The following TSPAN33 variants were observed in gnomAD, a reference collection of about 807,000 sequenced individuals.
TSPAN33 encodes tetraspanin-33.
In TSPAN33, 27 loss-of-function variants were observed where a neutral mutation model predicts 34.8. The ratio of observed to expected loss-of-function variants is 0.78; its 90% CI spans 0.57 to 1.07. TSPAN33 has a LOEUF of 1.07. Among genes scored for constraint, TSPAN33 ranks in the 50% least tolerant of loss-of-function variants. The pLI is 0.00. For missense variants in TSPAN33, 272 were observed against 324.9 expected (o/e 0.84, Z 1.25); for synonymous variants, 119 against 124.2 (o/e 0.96, Z 0.28).
chr7:129,154,600 G>A (rs1810643162), intron 1 of TSPAN33, among the ~76,000 whole-genome samples: 1 of 152,040 alleles, frequency 6.6e-6, no homozygotes, highest in Non-Finnish European at 1.5e-5. Flanking sequence ...AATTAGCCGG[G>A]TGTGGTGGCT....
intron 1 of TSPAN33, among the ~76,000 whole-genome samples, chr7:129,149,293 C>T (rs1218909134): frequency 2.0e-5 from 3 of 152,186 alleles, no homozygotes; most frequent in African/African-American, 4.8e-5. Flanking sequence ...CGCGGTGGCT[C>T]ATGCCTGTAA....
rs57365994 is a variant in TSPAN33, at chr7:129,163,333, C to CTTT, written c.363+441_363+443dup. ...TTTTGAGGTTTATTTTTCTTTCTTT[C>CTTT]TTTTTTTTTTTTTTTTTGGTTGTTG... On this transcript the variant is annotated intron_variant, in intron 4 of 7. Coordinates refer to ENST00000486685, the MANE Select transcript of TSPAN33 (RefSeq NM_178562.5). Among the ~76,000 whole-genome samples the CTTT allele has an allele frequency of 2.5e-3, 315 of 124,828 alleles. 3 individuals carry two copies. In the East Asian group the frequency reaches 0.033, roughly 13 times the overall value. The allele number at this position is 124,828 out of a possible 152,430, so 81.9% of individuals were successfully genotyped here. A position where few individuals can be genotyped will look rare whatever the true frequency, so the allele number is the denominator to read the frequency against.
chr7:129,156,824 GC>G (rs1810670981), intron 1 of TSPAN33, among the ~76,000 whole-genome samples: 1 of 152,158 alleles, frequency 6.6e-6, no homozygotes, highest in Admixed American at 6.5e-5. Context: ...TCTCCAAGGA[GC>G]CCAGGGGATG....
chr7:129,163,416 T>C (rs1439706511), intron 4 of TSPAN33, among the ~76,000 whole-genome samples: 1 of 150,214 alleles, frequency 6.7e-6, no homozygotes, highest in Non-Finnish European at 1.5e-5. Context: ...CTTGAACTCC[T>C]GGGCTCAAGT....
intron 1 of TSPAN33, among the ~76,000 whole-genome samples, chr7:129,147,026 G>A (rs1215566176): frequency 6.6e-6 from 1 of 151,310 alleles, no homozygotes; most frequent in Non-Finnish European, 1.5e-5. Context: ...TCTCAGCCAG[G>A]AGAGAGTTTG....
intron 1 of TSPAN33, among the ~76,000 whole-genome samples, chr7:129,156,227 C>A (rs766672014): frequency 6.4e-4 from 97 of 152,232 alleles, no homozygotes; most frequent in Non-Finnish European, 1.2e-4. Context: ...GGGAGGAAGA[C>A]CAGAGAAGTC....
At chr7:129,162,681 C>T in intron 3 of TSPAN33, 152 bp from the exon 4 acceptor site, 2 of 1,397,006 alleles carry the variant, frequency 1.4e-6, no homozygotes, top group Non-Finnish European at 2.0e-6. Context: ...CACAGGGTGG[C>T]CACCCCCAAG....
intron 1 of TSPAN33, among the ~76,000 whole-genome samples, chr7:129,159,034 C>G (rs930164356): frequency 2.7e-4 from 41 of 151,686 alleles, no homozygotes; most frequent in African/African-American, 9.2e-4. Flanking sequence ...CAGGCATGAG[C>G]CACTGCACCC....
chr7:129,154,546 A>G (rs571340870), intron 1 of TSPAN33, among the ~76,000 whole-genome samples: 1 of 152,312 alleles, frequency 6.6e-6, no homozygotes, highest in African/African-American at 2.4e-5. Context: ...GTTTGAAACC[A>G]GCCTGGCCAA....
At position 129,144,965 on chromosome 7, in the gene TSPAN33, T is replaced by G. The variant is rs577419224; in HGVS notation, c.-16T>G. 5 of 603,130 alleles carry G rather than the reference T, an allele frequency of 8.3e-6. No homozygotes were observed. The highest frequency in any genetic ancestry group is 1.5e-5 in the Non-Finnish European group (5 of 334,086). 37.4% of individuals were successfully genotyped at this position (603,130 alleles called of 1,614,324 possible). ...CTGGGAAATAGGCCCCCGGGGGCGGTGGCGGCGGCGGGGCCATGGCGCGGA... is the reference window on the plus strand; with the variant it reads ...CTGGGAAATAGGCCCCCGGGGGCGGGGGCGGCGGCGGGGCCATGGCGCGGA... On this transcript the variant is annotated 5_prime_UTR_variant, in exon 1 of 8. Coordinates refer to ENST00000486685, the MANE Select transcript of TSPAN33 (RefSeq NM_178562.5).
At chr7:129,160,116 G>T (rs942384871) in intron 1 of TSPAN33, among the ~76,000 whole-genome samples, 1 of 152,208 alleles carries the variant, frequency 6.6e-6, no homozygotes. Flanking sequence ...TTAGATAAAG[G>T]TTTGCCATTT....
intron 1 of TSPAN33, among the ~76,000 whole-genome samples, chr7:129,153,913 T>G (rs10239495): frequency 0.99 from 151,140 of 152,188 alleles, 75,062 homozygotes; most frequent in Middle Eastern, 1. Flanking sequence ...CTGTACTCCA[T>G]CCTGGGTGAC....
intron 4 of TSPAN33, among the ~76,000 whole-genome samples, chr7:129,163,333 C>CTTTTTTTTT (rs57365994): frequency 2.4e-5 from 3 of 124,842 alleles, no homozygotes; most frequent in Non-Finnish European, 3.3e-5. Flanking sequence ...TTCTTTCTTT[C>CTTTTTTTTT]TTTTTTTTTT....
chr7:129,159,095 C>G (rs1475572715), intron 1 of TSPAN33, among the ~76,000 whole-genome samples: 1 of 148,272 alleles, frequency 6.7e-6, no homozygotes. Context: ...AAGTCTCACT[C>G]TGTTGCCCAG....
intron 1 of TSPAN33, among the ~76,000 whole-genome samples, chr7:129,154,335 G>A (rs1284216794): frequency 6.6e-6 from 1 of 151,702 alleles, no homozygotes; most frequent in East Asian, 2.0e-4. Context: ...TTGGTGGGGG[G>A]AAGAAAAAAA....
At chr7:129,164,638 C>T in intron 5 of TSPAN33, 69 bp downstream of exon 5, 1 of 1,402,572 alleles carries the variant, frequency 7.1e-7, no homozygotes, top group Non-Finnish European at 1.0e-6. Context: ...ATGCCTCACC[C>T]TCTATGCCTG....
chr7:129,164,876 C>T (rs1050460757), intron 5 of TSPAN33: 5 of 271,330 alleles, frequency 1.8e-5, no homozygotes, highest in South Asian at 5.0e-5. Flanking sequence ...TGAGTTATCT[C>T]ATTTGATTGT....
rs749494180 is a variant in TSPAN33 at position 129,165,584 on chromosome 7, G to A, written c.459+1015G>A. The stretch of plus-strand genomic sequence containing the variant: ...GAGAAAAGGGTTGCTTCCACCGTTC[G>A]GCTACTGTGAACAAGGCTGCTATGA... On this transcript the variant is annotated intron_variant, in intron 5 of 7. Coordinates refer to ENST00000486685, the MANE Select transcript of TSPAN33 (RefSeq NM_178562.5). This position sits in a 1 kb window ranked among gnomAD's most constrained non-coding sequence, Gnocchi z 4.5. 2.6e-5 allele frequency among the ~76,000 whole-genome samples: 4 copies of A among 152,098 alleles called. No individual in the cohort carries two copies. Among genetic ancestry groups the A allele is most frequent in the Admixed American group, 6.5e-5 (1 of 15,280 alleles).
At chr7:129,164,331 C>T in intron 4 of TSPAN33, 143 bp from the exon 5 acceptor site, 2 of 722,140 alleles carry the variant, frequency 2.8e-6, no homozygotes, top group Non-Finnish European at 4.7e-6. Flanking sequence ...ACTGAACCGG[C>T]TATCTTCCAC....
Sources: allele counts gnomAD v4.1 joint callset (sites outside exome capture counted in the v4.1 genomes callset), GRCh38; gene constraint gnomAD v4.1.1; non-coding constraint Gnocchi (gnomAD v3.1); transcripts MANE v1.5; gene names NCBI Gene and HGNC (gene_info 2026-07-23, HGNC 2026-07-21).